UTS2R: variants seen among roughly 807,000 people sequenced by gnomAD.
UTS2R encodes urotensin 2 receptor.
For synonymous variants in UTS2R, 335 were observed against 280.9 expected, an observed-to-expected ratio of 1.19 and a Z score of -1.93; for missense variants, 653 against 562.2, an observed-to-expected ratio of 1.16 and a Z score of -1.63.
rs924793161 is a variant in UTS2R at position 82,371,854 on chromosome 17, G to T, written c.-462G>T. ...GGCTTTGGTGGCGGGACTGGCGGGCGCCCCTGCCGTGTGCTCTGGAAGCCG... is the reference window on the plus strand; with the variant it reads ...GGCTTTGGTGGCGGGACTGGCGGGCTCCCCTGCCGTGTGCTCTGGAAGCCG... On this transcript the variant is annotated 5_prime_UTR_variant, in exon 1 of 3. Transcript: ENST00000313135. The surrounding 1 kb of genome is among the most constrained non-coding windows in gnomAD (Gnocchi z 6.3). Among the ~76,000 whole-genome samples, 5 of 151,188 alleles carry T rather than the reference G, an allele frequency of 3.3e-5. No individual in the cohort carries two copies. Among genetic ancestry groups the T allele is most frequent in the African/African-American group, 1.2e-4 (5 of 41,330 alleles).
rs1941361569 is a variant in UTS2R, at chr17:82,377,361, A to G, written c.*1867A>G. On this transcript the variant is annotated 3_prime_UTR_variant, in exon 3 of 3. Transcript: ENST00000313135. ...GCAGGGTCCTCTGCCTAGGAAAACC[A>G]GAGACCTTTGTTCACTTGTTTATCT... Among the ~76,000 whole-genome samples the G allele has an allele frequency of 1.3e-5, 2 of 151,874 alleles. No homozygotes were observed. Among genetic ancestry groups the G allele is most frequent in the East Asian group, 1.9e-4 (1 of 5,180 alleles).
In UTS2R at chr17:82,374,592, G is replaced by C. The variant is rs556349329; in HGVS notation, c.268G>C (p.Val90Leu). The C allele has an allele frequency of 1.2e-6, 2 of 1,607,244 alleles. No homozygotes were observed. The highest frequency in any genetic ancestry group is 4.5e-5 in the East Asian group (2 of 44,614). ...TGCGGTGGCCTCCATGTACGTCTAC[G>C]TGGTCAACCTGGCGCTGGCCGACCT... ...LRAVASMYVY[V>L]VNLALADLLY... Residue 90 changes from valine (V) to leucine (L), a missense_variant, in exon 3 of 3, where the codon GTG becomes CTG. Physicochemically the swap from Val to Leu is conservative, Grantham distance 32. Coordinates refer to ENST00000313135, the MANE Select transcript of UTS2R (RefSeq NM_018949.3).
chr17:82,374,320 C>G lies in UTS2R; in HGVS notation c.-5C>G, dbSNP rs528512847. On this transcript the variant is annotated 5_prime_UTR_variant, in exon 3 of 3. Coordinates refer to ENST00000313135, the MANE Select transcript of UTS2R (RefSeq NM_018949.3). Reference sequence around the variant, plus strand: ...CAGCCCTGAGCCCGTCGTGAGGGGTCAGAGATGGCGCTGACCCCCGAGTCC... The same window carrying G: ...CAGCCCTGAGCCCGTCGTGAGGGGTGAGAGATGGCGCTGACCCCCGAGTCC... The G allele has an allele frequency of 2.6e-6, 4 of 1,555,702 alleles. No individual in the cohort carries two copies. The highest frequency in any genetic ancestry group is 3.6e-5 in the Admixed American group (2 of 55,022).
Position 82,374,782 on chromosome 17 carries a change from T to C in UTS2R, c.458T>C (p.Leu153Pro), listed in dbSNP as rs1386826949. Residue 153 changes from leucine to proline, a missense_variant, in exon 3 of 3, where the codon CTG (leucine) becomes CCG (proline). Coordinates refer to ENST00000313135, the MANE Select transcript of UTS2R (RefSeq NM_018949.3). Reference protein sequence around the residue: ...VMSSERYAAVLRPLDTVQRPK... With the variant: ...VMSSERYAAVPRPLDTVQRPK... ...AGCAGCGAGCGCTACGCTGCGGTGC[T>C]GCGGCCGCTGGACACCGTGCAGCGC... 6.3e-7 allele frequency: 1 copy of C among 1,597,544 alleles called. No homozygotes were observed. Among genetic ancestry groups the C allele is most frequent in the African/African-American group, 1.3e-5 (1 of 74,798 alleles).
chr17:82,377,090 A>G lies in UTS2R; in HGVS notation c.*1596A>G, dbSNP rs1258123197. ...CGTGTCTGTGTAGAAAGAAGTAGAC[A>G]TGGGAGACTTTTCATTTTGTTCTGT... is the stretch of plus-strand genomic sequence containing the variant. On this transcript the variant is annotated 3_prime_UTR_variant, in exon 3 of 3. Transcript: ENST00000313135. 8.5e-5 allele frequency among the ~76,000 whole-genome samples: 13 copies of G among 152,158 alleles called. No homozygotes were observed. Among genetic ancestry groups the G allele is most frequent in the Admixed American group, 8.5e-4 (13 of 15,276 alleles).
rs1409387712 is a variant in UTS2R at position 82,374,559 on chromosome 17, T to C, written c.235T>C (p.Ser79Pro). The change falls in exon 3 of 3, where the codon TCC (serine) becomes CCC (proline). Residue 79 changes from serine to proline, a missense_variant. Physicochemically the swap from Ser to Pro is moderately conservative, Grantham distance 74. Coordinates refer to ENST00000313135, the MANE Select transcript of UTS2R (RefSeq NM_018949.3). ...NAYTLVVTCR[S>P]LRAVASMYVY... is the part of the protein sequence containing the mutation. Reference sequence around the variant, plus strand: ...CTACACGCTGGTGGTCACCTGCCGCTCCCTGCGTGCGGTGGCCTCCATGTA... The same window carrying C: ...CTACACGCTGGTGGTCACCTGCCGCCCCCTGCGTGCGGTGGCCTCCATGTA... 3.1e-6 allele frequency: 5 copies of C among 1,593,684 alleles called. No homozygotes were observed. The Admixed American group carries it at 5.3e-5, about 17-fold the overall frequency.
At position 82,372,626 on chromosome 17, in the gene UTS2R, G is replaced by T. The variant is rs2143103849; in HGVS notation, c.-240G>T. 6.6e-6 allele frequency among the ~76,000 whole-genome samples: 1 copy of T among 152,342 alleles called. No homozygotes were observed. The highest frequency in any genetic ancestry group is 6.5e-5 in the Admixed American group (1 of 15,306). ...ACCACCGCGCTGTTTCATCCAGGCTGCTGACCCCAGCGGCGACTCCTTCAC... is the reference window on the plus strand; with the variant it reads ...ACCACCGCGCTGTTTCATCCAGGCTTCTGACCCCAGCGGCGACTCCTTCAC... On this transcript the variant is annotated 5_prime_UTR_variant, in exon 2 of 3. Coordinates refer to ENST00000313135, the MANE Select transcript of UTS2R (RefSeq NM_018949.3).
chr17:82,377,215 T>A lies in UTS2R; in HGVS notation c.*1721T>A, dbSNP rs548806826. Reference sequence around the variant, plus strand: ...TGTGCTGTGTCCACTCAGGGTTGAATGGATTAAGGGCGGTGCAAGATGTGC... The same window carrying A: ...TGTGCTGTGTCCACTCAGGGTTGAAAGGATTAAGGGCGGTGCAAGATGTGC... On this transcript the variant is annotated 3_prime_UTR_variant, in exon 3 of 3. Coordinates refer to ENST00000313135, the MANE Select transcript of UTS2R (RefSeq NM_018949.3). Among the ~76,000 whole-genome samples, 1,161 of 152,230 alleles carry A rather than the reference T, an allele frequency of 7.6e-3. 15 individuals carry two copies. The highest frequency in any genetic ancestry group is 0.027 in the African/African-American group (1,108 of 41,530).
At position 82,375,017 on chromosome 17, in the gene UTS2R, C is replaced by T. The variant is rs772597650; in HGVS notation, c.693C>T (p.Tyr231=). The part of the protein sequence containing the change: ...AGPGLLIGLL[Y]ARLARAYRRS... ...CCGGGCTGCTCATCGGGCTGCTCTA[C>T]GCGCGCCTGGCCCGCGCCTACCGCC... The change falls in exon 3 of 3, where the codon TAC becomes TAT. Residue 231 remains tyrosine (Y), a synonymous_variant. Coordinates refer to ENST00000313135, the MANE Select transcript of UTS2R (RefSeq NM_018949.3). The T allele has an allele frequency of 1.4e-5, 19 of 1,378,898 alleles. No individual in the cohort carries two copies. Among genetic ancestry groups the T allele is most frequent in the Non-Finnish European group, 1.8e-5 (18 of 1,022,722 alleles). The allele number at this position is 1,378,898 out of a possible 1,614,324, so 85.4% of individuals were successfully genotyped here.
intron 2 of UTS2R, among the ~76,000 whole-genome samples, 103 bp downstream of exon 2, chr17:82,372,886 A>C (rs932058536): frequency 6.6e-6 from 1 of 152,172 alleles, no homozygotes; most frequent in African/African-American, 2.4e-5. Context: ...CCAGGTTCCC[A>C]GCAACAGGAA....
rs1337188245 is a variant in UTS2R at position 82,375,378 on chromosome 17, C to A, written c.1054C>A (p.Gln352Lys). Residue 352 changes from glutamine (Q) to lysine (K), a missense_variant, in exon 3 of 3, where the codon CAG becomes AAG. By Grantham distance (53) the Gln-to-Lys change is moderately conservative. Transcript: ENST00000313135. ...VPSLQPRARFQRCSGRSLSSC... is the reference protein window; with the variant it reads ...VPSLQPRARFKRCSGRSLSSC... ...CTCCCTGCAGCCCCGCGCCCGCTTC[C>A]AGCGCTGTTCGGGCCGCTCCCTGTC... The A allele has an allele frequency of 1.9e-6, 3 of 1,579,194 alleles. No individual in the cohort carries two copies. Among genetic ancestry groups the A allele is most frequent in the Non-Finnish European group, 2.6e-6 (3 of 1,168,848 alleles).
At chr17:82,373,006 T>C (rs79350859) in intron 2 of UTS2R, among the ~76,000 whole-genome samples, 4,839 of 152,338 alleles carry the variant, frequency 0.032, 91 homozygotes, top group Non-Finnish European at 0.042. Flanking sequence ...CTGACTGGCA[T>C]TTCCCTGCTT....
rs1410878789 is a variant in UTS2R at position 82,374,783 on chromosome 17, G to A, written c.459G>A (p.Leu153=). Residue 153 remains leucine (L), a synonymous_variant, in exon 3 of 3, where the codon CTG becomes CTA. Coordinates refer to ENST00000313135, the MANE Select transcript of UTS2R (RefSeq NM_018949.3). ...GCAGCGAGCGCTACGCTGCGGTGCT[G>A]CGGCCGCTGGACACCGTGCAGCGCC... ...VMSSERYAAV[L]RPLDTVQRPK... 6 of 1,596,428 alleles carry A rather than the reference G, an allele frequency of 3.8e-6. No individual in the cohort carries two copies. Among genetic ancestry groups the A allele is most frequent in the Non-Finnish European group, 4.3e-6 (5 of 1,174,418 alleles).
chr17:82,375,132 T>C lies in UTS2R; in HGVS notation c.808T>C (p.Cys270Arg), dbSNP rs1302179980. The change falls in exon 3 of 3, where the codon TGC becomes CGC. Residue 270 changes from cysteine (C) to arginine (R), a missense_variant. By Grantham distance (180) the Cys-to-Arg change is radical (BLOSUM62 -3). Coordinates refer to ENST00000313135, the MANE Select transcript of UTS2R (RefSeq NM_018949.3). ...GGGCATCGTGCTGCTCTTCTGGGCC[T>C]GCTTCCTGCCCTTCTGGCTGTGGCA... The part of the protein sequence containing the change: ...VLGIVLLFWA[C>R]FLPFWLWQLL... 3.3e-6 allele frequency: 5 copies of C among 1,529,060 alleles called. No homozygotes were observed. The highest frequency in any genetic ancestry group is 4.4e-6 in the Non-Finnish European group (5 of 1,139,354). The allele number at this position is 1,529,060 out of a possible 1,614,324, so 94.7% of individuals were successfully genotyped here.
rs1418858149 is a variant in UTS2R, at chr17:82,376,439, A to C, written c.*945A>C. 1.6e-5 allele frequency among the ~76,000 whole-genome samples: 1 copy of C among 61,042 alleles called. No individual in the cohort carries two copies. Among genetic ancestry groups the C allele is most frequent in the African/African-American group, 6.4e-5 (1 of 15,588 alleles). 40.0% of individuals were successfully genotyped at this position (61,042 alleles called of 152,430 possible). A position where few individuals can be genotyped will look rare whatever the true frequency, so the allele number is the denominator to read the frequency against. Reference sequence around the variant, plus strand: ...CAGCCTGGCCTCCCCTCCCCACCCCATGGCCATGCCCAGACTACCAGCCCC... The same window carrying C: ...CAGCCTGGCCTCCCCTCCCCACCCCCTGGCCATGCCCAGACTACCAGCCCC... On this transcript the variant is annotated 3_prime_UTR_variant, in exon 3 of 3. Transcript: ENST00000313135.
At position 82,375,039 on chromosome 17, in the gene UTS2R, C is replaced by T; in HGVS notation, c.715C>T (p.Arg239Cys). The change falls in exon 3 of 3, where the codon CGC (arginine) becomes TGC (cysteine). Residue 239 changes from arginine to cysteine, a missense_variant. Transcript: ENST00000313135. Reference sequence around the variant, plus strand: ...CTACGCGCGCCTGGCCCGCGCCTACCGCCGCTCGCAGCGCGCCTCCTTCAA... The same window carrying T: ...CTACGCGCGCCTGGCCCGCGCCTACTGCCGCTCGCAGCGCGCCTCCTTCAA... ...LLYARLARAY[R>C]RSQRASFKRA... 1 of 1,413,094 alleles carries T rather than the reference C, an allele frequency of 7.1e-7. No individual in the cohort carries two copies. The highest frequency in any genetic ancestry group is 9.3e-7 in the Non-Finnish European group (1 of 1,078,502). The allele number at this position is 1,413,094 out of a possible 1,614,324, so 87.5% of individuals were successfully genotyped here. A position where few individuals can be genotyped will look rare whatever the true frequency, so the allele number is the denominator to read the frequency against.
chr17:82,375,047 G>T lies in UTS2R; in HGVS notation c.723G>T (p.Ser241=). The change falls in exon 3 of 3, where the codon TCG becomes TCT. Residue 241 remains serine, a synonymous_variant. Transcript: ENST00000313135. ...GCCTGGCCCGCGCCTACCGCCGCTC[G>T]CAGCGCGCCTCCTTCAAGCGGGCCC... is the stretch of plus-strand genomic sequence containing the variant. ...YARLARAYRR[S]QRASFKRARR... The T allele has an allele frequency of 2.8e-6, 4 of 1,417,652 alleles. No individual in the cohort carries two copies. The highest frequency in any genetic ancestry group is 6.1e-5 in the Admixed American group (2 of 32,882). 87.8% of individuals were successfully genotyped at this position (1,417,652 alleles called of 1,614,324 possible). A position where few individuals can be genotyped will look rare whatever the true frequency, so the allele number is the denominator to read the frequency against.
At chr17:82,373,124 T>C (rs2052462109) in intron 2 of UTS2R, among the ~76,000 whole-genome samples, 1 of 152,170 alleles carries the variant, frequency 6.6e-6, no homozygotes, top group Non-Finnish European at 1.5e-5. Context: ...TTCTTCCCTA[T>C]ATTTTTCTTA....
chr17:82,375,156 C>T lies in UTS2R; in HGVS notation c.832C>T (p.Gln278Ter). The change falls in exon 3 of 3, where the codon CAG becomes TAG. Residue 278 changes from glutamine to a stop codon, truncating the protein, a stop_gained. Transcript: ENST00000313135. LOFTEE classifies it low-confidence loss of function (END_TRUNC). ...CTGCTTCCTGCCCTTCTGGCTGTGG[C>T]AGCTGCTCGCCCAGTACCACCAGGC... is the stretch of plus-strand genomic sequence containing the variant. ...WACFLPFWLWQLLAQYHQAPL... is the reference protein window; with the variant it reads ...WACFLPFWLW 6.5e-7 allele frequency: 1 copy of T among 1,539,162 alleles called. No individual in the cohort carries two copies. Among genetic ancestry groups the T allele is most frequent in the African/African-American group, 1.4e-5 (1 of 71,462 alleles).
Sources: gnomAD v4.1 joint callset for allele counts (sites outside exome capture counted in the v4.1 genomes callset) on GRCh38, gnomAD v4.1.1 for gene constraint, Gnocchi (gnomAD v3.1) non-coding constraint, MANE v1.5 for transcripts, NCBI Gene and HGNC (gene_info 2026-07-23, HGNC 2026-07-21) for gene names.